DGKB: variants seen among roughly 807,000 people sequenced by gnomAD.
DGKB encodes the protein 90 kDa diacylglycerol kinase.
A neutral mutation model predicts 114.3 loss-of-function variants in DGKB; 67 were observed. The ratio of observed to expected loss-of-function variants is 0.59; its 90% CI spans 0.48 to 0.72. DGKB has a LOEUF of 0.72. Among genes scored for constraint, DGKB ranks in the 30% least tolerant of loss-of-function variants. DGKB has a pLI of 0.00. For missense variants in DGKB, 907 were observed against 975.2 expected (o/e 0.93, Z 0.93); for synonymous variants, 398 against 323.1 (o/e 1.23, Z -2.49).
At chr7:14,524,271 G>T (rs1790270805) in intron 20 of DGKB, among the ~76,000 whole-genome samples, 1 of 151,982 alleles carries the variant, frequency 6.6e-6, no homozygotes, top group Non-Finnish European at 1.5e-5. Flanking sequence ...ATAAGGAATT[G>T]GTTTCAGCTT....
At chr7:14,917,896 A>T (rs1166987516) in intron 1 of DGKB, among the ~76,000 whole-genome samples, 1 of 152,098 alleles carries the variant, frequency 6.6e-6, no homozygotes, top group Non-Finnish European at 1.5e-5. Context: ...TATAGAAAGA[A>T]CTATACACCA....
intron 1 of DGKB, among the ~76,000 whole-genome samples, chr7:14,950,783 TACC>T (rs1786153719): frequency 6.6e-6 from 1 of 151,888 alleles, no homozygotes; most frequent in African/African-American, 2.4e-5. Flanking sequence ...TAGACAAAGA[TACC>T]ACAAGAAAAA....
chr7:14,580,753 T>C (rs1799802654), intron 19 of DGKB, 109 bp downstream of exon 19: 4 of 695,082 alleles, frequency 5.8e-6, no homozygotes, highest in Non-Finnish European at 9.6e-6. Context: ...ACCACATCAG[T>C]TATCTTCACT....
chr7:14,847,571 G>C (rs1304192076), intron 1 of DGKB, among the ~76,000 whole-genome samples: 1 of 152,182 alleles, frequency 6.6e-6, no homozygotes, highest in Non-Finnish European at 1.5e-5. Context: ...CCAGACACTG[G>C]GGATGTAGTG....
intron 21 of DGKB, among the ~76,000 whole-genome samples, chr7:14,473,670 G>C (rs577929839): frequency 1.3e-5 from 2 of 152,164 alleles, no homozygotes; most frequent in Non-Finnish European, 2.9e-5. Flanking sequence ...AGCCAGGATG[G>C]GGGACTATAC....
At chr7:14,565,008 C>T (rs900922365) in intron 20 of DGKB, among the ~76,000 whole-genome samples, 2 of 152,096 alleles carry the variant, frequency 1.3e-5, no homozygotes, top group African/African-American at 4.8e-5. Context: ...TCTCCCATTC[C>T]TGAATGTCCC....
intron 2 of DGKB, among the ~76,000 whole-genome samples, chr7:14,828,474 C>T (rs993472588): frequency 2.1e-4 from 32 of 152,242 alleles, no homozygotes; most frequent in African/African-American, 7.2e-4. Context: ...AATTTCCAAT[C>T]CTCACCTTCA....
At chr7:14,606,630 T>C (rs2128778338) in intron 17 of DGKB, among the ~76,000 whole-genome samples, 1 of 151,882 alleles carries the variant, frequency 6.6e-6, no homozygotes, top group Non-Finnish European at 1.5e-5. Flanking sequence ...GCATAAAGCT[T>C]ATAGAGCTTC....
intron 20 of DGKB, among the ~76,000 whole-genome samples, chr7:14,490,033 G>A (rs1477626392): frequency 2.6e-5 from 4 of 152,012 alleles, no homozygotes; most frequent in East Asian, 1.9e-4. Flanking sequence ...ACTCAAGAAC[G>A]CCAACAGTAT....
intron 20 of DGKB, among the ~76,000 whole-genome samples, chr7:14,486,467 A>G (rs1327158500): frequency 6.6e-6 from 1 of 152,192 alleles, no homozygotes; most frequent in African/African-American, 2.4e-5. Context: ...AGAGTTATAT[A>G]GAGAAAACGG....
In DGKB at chr7:14,518,635, G is replaced by A. The variant is rs182993225; in HGVS notation, c.1771-40410C>T. On this transcript the variant is annotated intron_variant, in intron 20 of 25. Transcript: ENST00000402815. Reference sequence around the variant, plus strand: ...GCTTCTGAGGACTCAGGAGATAAGAGTTGTTCCCCAGAAAAGAGAGAATTC... The same window carrying A: ...GCTTCTGAGGACTCAGGAGATAAGAATTGTTCCCCAGAAAAGAGAGAATTC... Among the ~76,000 whole-genome samples the A allele has an allele frequency of 3.5e-3, 539 of 151,998 alleles. 5 individuals carry two copies. The highest frequency in any genetic ancestry group is 0.012 in the African/African-American group (508 of 41,476).
Position 14,607,441 on chromosome 7 carries a change from T to C in DGKB, c.1426A>G (p.Met476Val). 1 of 1,536,894 alleles carries C rather than the reference T, an allele frequency of 6.5e-7. No homozygotes were observed. The highest frequency in any genetic ancestry group is 9.0e-7 in the Non-Finnish European group (1 of 1,112,044). The change falls in exon 17 of 26, where the codon ATG (methionine) becomes GTG (valine). Residue 476 changes from methionine (M) to valine (V), a missense_variant. Around this residue, in one of 3 missense-constraint regions of DGKB, gnomAD observed 814 missense variants for 856.6 expected, o/e 0.95. Transcript: ENST00000402815. ...QVYSLSGNGP[M>V]PGLNFFRDVP... is the part of the protein sequence containing the mutation. ...TATTATCCTTGGACTTACCCTGGCA[T>C]TGGTCCATTTCCAGAAAGACTGTAA...
intron 14 of DGKB, among the ~76,000 whole-genome samples, chr7:14,626,202 G>A (rs113930864): frequency 2.8e-4 from 42 of 152,266 alleles, no homozygotes; most frequent in African/African-American, 8.4e-4. Flanking sequence ...ACTTAAGCCT[G>A]CTGTTATCGA....
Position 14,679,265 on chromosome 7 carries a change from A to T in DGKB, c.1035+3288T>A, listed in dbSNP as rs562050391. ...CCCACAAATATAATTGTTACTTACT[A>T]AGCACTTAATATGTATGAGGTCTTG... is the stretch of plus-strand genomic sequence containing the variant. On this transcript the variant is annotated intron_variant, in intron 12 of 25. Transcript: ENST00000402815. Among the ~76,000 whole-genome samples the T allele has an allele frequency of 2.6e-5, 4 of 152,186 alleles. No individual in the cohort carries two copies. The East Asian group carries it at 7.7e-4, about 29-fold the overall frequency.
intron 21 of DGKB, among the ~76,000 whole-genome samples, chr7:14,471,390 T>C (rs111458072): frequency 1.2e-4 from 3 of 25,890 alleles, no homozygotes; most frequent in Non-Finnish European, 2.5e-4. Flanking sequence ...TACACACACA[T>C]ATATGTATAA....
chr7:14,706,989 A>G (rs1826371358), intron 6 of DGKB, among the ~76,000 whole-genome samples: 1 of 150,534 alleles, frequency 6.6e-6, no homozygotes, highest in Non-Finnish European at 1.5e-5. Context: ...AAGGAAATAG[A>G]GACACAAAAA....
chr7:14,152,170 C>G (rs1782309502), intron 25 of DGKB, among the ~76,000 whole-genome samples: 1 of 151,870 alleles, frequency 6.6e-6, no homozygotes, highest in African/African-American at 2.4e-5. Context: ...AAATTTTATC[C>G]CCAAAGAATT....
intron 13 of DGKB, among the ~76,000 whole-genome samples, chr7:14,633,213 A>G (rs534350430): frequency 6.6e-6 from 1 of 152,006 alleles, no homozygotes; most frequent in South Asian, 2.1e-4. Context: ...AAAGGTAATG[A>G]AACAGAGGTT....
chr7:14,845,502 A>T (rs1034589276), intron 1 of DGKB, among the ~76,000 whole-genome samples: 1 of 152,156 alleles, frequency 6.6e-6, no homozygotes. Flanking sequence ...TCCAACCTAT[A>T]TATTAGATTC....
Sources: gnomAD v4.1 joint callset for allele counts (sites outside exome capture counted in the v4.1 genomes callset) on GRCh38, gnomAD v4.1.1 for gene constraint, gnomAD v4.1.1 regional missense constraint, MANE v1.5 for transcripts, NCBI Gene and HGNC (gene_info 2026-07-23, HGNC 2026-07-21) for gene names.